FSTL5: variants seen among roughly 807,000 people sequenced by gnomAD.
FSTL5 encodes the protein follistatin like 5, also known as follistatin-related protein 5.
FSTL5 carries 62 observed loss-of-function variants against 89.1 expected under a neutral mutation model. The observed-to-expected ratio is 0.70, with a 90% CI of 0.57 to 0.86. The LOEUF (loss-of-function observed/expected upper bound fraction) is 0.86, where lower values mean the gene tolerates loss of function less well. FSTL5 is among the 40% of genes least tolerant of loss of function. FSTL5 has a pLI of 0.00. For missense variants in FSTL5, 1,057 were observed against 1,001.6 expected (o/e 1.06, Z -0.75); for synonymous variants, 383 against 346.2 (o/e 1.11, Z -1.18).
chr4:161,532,775 C>T (rs1486303420), intron 10 of FSTL5, among the ~76,000 whole-genome samples: 1 of 152,084 alleles, frequency 6.6e-6, no homozygotes, highest in African/African-American at 2.4e-5. Context: ...CACCGAATCA[C>T]CACAGAATAT....
intron 13 of FSTL5, among the ~76,000 whole-genome samples, chr4:161,461,288 C>CAAAAAAAAAAAAA (rs781313697): frequency 2.8e-5 from 2 of 72,646 alleles, no homozygotes; most frequent in Non-Finnish European, 2.4e-5. Context: ...ACTAAAAATA[C>CAAAAAAAAAAAAA]AAAAAAAACA....
At chr4:162,155,683 T>C (rs185463918) in intron 1 of FSTL5, among the ~76,000 whole-genome samples, 1 of 152,294 alleles carries the variant, frequency 6.6e-6, no homozygotes. Flanking sequence ...CTATAAGAAC[T>C]TTTGACTGAA....
chr4:161,389,784 C>T (rs993937483), intron 15 of FSTL5, among the ~76,000 whole-genome samples: 5 of 152,060 alleles, frequency 3.3e-5, no homozygotes, highest in Non-Finnish European at 7.4e-5. Flanking sequence ...ATAGAAACTG[C>T]CAGTCCTTTA....
Position 161,916,316 on chromosome 4 carries a change from A to G in FSTL5, c.409+4088T>C, listed in dbSNP as rs1373720253. 3.3e-5 allele frequency among the ~76,000 whole-genome samples: 5 copies of G among 152,140 alleles called. No individual in the cohort carries two copies. The East Asian group carries it at 9.6e-4, about 29-fold the overall frequency. The stretch of plus-strand genomic sequence containing the variant: ...TTCATTTTGGCATAGGTTATATCTT[A>G]AGTTTCTTACTCCAGTTTACATCTA... On this transcript the variant is annotated intron_variant, in intron 4 of 15. Coordinates refer to ENST00000306100, the MANE Select transcript of FSTL5 (RefSeq NM_020116.5).
chr4:161,949,675 T>A (rs1281577873), intron 3 of FSTL5, among the ~76,000 whole-genome samples: 2 of 151,816 alleles, frequency 1.3e-5, no homozygotes, highest in African/African-American at 4.8e-5. Context: ...ATTTTTTCTA[T>A]ATGTTTGTTT....
At chr4:161,971,290 T>G (rs1735475264) in intron 3 of FSTL5, among the ~76,000 whole-genome samples, 1 of 152,150 alleles carries the variant, frequency 6.6e-6, no homozygotes, top group Admixed American at 6.5e-5. Context: ...GTCACAAACA[T>G]TGATATATTA....
chr4:161,562,801 C>T (rs1055934104), intron 8 of FSTL5, among the ~76,000 whole-genome samples: 2 of 151,954 alleles, frequency 1.3e-5, no homozygotes, highest in African/African-American at 4.8e-5. Context: ...CTCCATAACT[C>T]TTGCTGTTGA....
At chr4:161,969,128 T>C (rs546519869) in intron 3 of FSTL5, among the ~76,000 whole-genome samples, 1 of 152,204 alleles carries the variant, frequency 6.6e-6, no homozygotes, top group Non-Finnish European at 1.5e-5. Context: ...TTATATACCC[T>C]ACCTAGATGT....
intron 4 of FSTL5, among the ~76,000 whole-genome samples, chr4:161,842,745 G>A (rs1363390318): frequency 6.6e-6 from 1 of 152,036 alleles, no homozygotes; most frequent in East Asian, 1.9e-4. Context: ...TAAGCAATAA[G>A]TAGTCATTTT....
intron 6 of FSTL5, among the ~76,000 whole-genome samples, chr4:161,726,685 A>C (rs926441719): frequency 6.6e-6 from 1 of 152,136 alleles, no homozygotes; most frequent in African/African-American, 2.4e-5. Context: ...ACAAAGACTA[A>C]AACGTATAGT....
intron 6 of FSTL5, among the ~76,000 whole-genome samples, chr4:161,727,951 C>A (rs1739476061): frequency 1.3e-5 from 2 of 152,084 alleles, no homozygotes. Flanking sequence ...CCATTGCACT[C>A]CAGCCCTGGC....
intron 1 of FSTL5, among the ~76,000 whole-genome samples, chr4:162,140,287 C>A (rs943604442): frequency 6.6e-6 from 1 of 152,100 alleles, no homozygotes; most frequent in Admixed American, 6.5e-5. Context: ...CTAGAAAATT[C>A]TCACATGTGT....
At chr4:162,067,821 CAT>C (rs1373674391) in intron 2 of FSTL5, among the ~76,000 whole-genome samples, 2 of 152,000 alleles carry the variant, frequency 1.3e-5, no homozygotes, top group Non-Finnish European at 2.9e-5. Context: ...AGCCCAAAAG[CAT>C]TTAAGCTGAT....
chr4:161,861,284 A>C (rs931629717), intron 4 of FSTL5, among the ~76,000 whole-genome samples: 1 of 152,026 alleles, frequency 6.6e-6, no homozygotes, highest in African/African-American at 2.4e-5. Flanking sequence ...ATAGCAGGCC[A>C]TGGTGGTGCG....
chr4:161,449,640 G>A (rs1733084824), intron 15 of FSTL5, among the ~76,000 whole-genome samples: 1 of 152,122 alleles, frequency 6.6e-6, no homozygotes, highest in Non-Finnish European at 1.5e-5. Flanking sequence ...GATTAAATCT[G>A]TTTGTAGTTG....
At chr4:162,055,693 T>C (rs1738519965) in intron 2 of FSTL5, among the ~76,000 whole-genome samples, 1 of 151,838 alleles carries the variant, frequency 6.6e-6, no homozygotes, top group Non-Finnish European at 1.5e-5. Context: ...AAAACAATTT[T>C]GGAGAAAAAA....
At position 162,095,227 on chromosome 4, in the gene FSTL5, C is replaced by T. The variant is rs181790140; in HGVS notation, c.126+16044G>A. 2.6e-4 allele frequency among the ~76,000 whole-genome samples: 40 copies of T among 152,152 alleles called. 1 individual carries two copies. Among genetic ancestry groups the T allele is most frequent in the Admixed American group, 2.2e-3 (34 of 15,280 alleles). ...AAGAGAGGCCAAGTCTGCTGATATG[C>T]ATAGCAACAGTTAATTCTAAAGCCT... On this transcript the variant is annotated intron_variant, in intron 2 of 15. Transcript: ENST00000306100.
chr4:162,082,381 A>C (rs1251985522), intron 2 of FSTL5, among the ~76,000 whole-genome samples: 1 of 151,718 alleles, frequency 6.6e-6, no homozygotes, highest in African/African-American at 2.4e-5. Context: ...TTAGGCTTAA[A>C]AGAAGATTAT....
At chr4:162,066,241 T>A (rs1199135347) in intron 2 of FSTL5, among the ~76,000 whole-genome samples, 1 of 151,958 alleles carries the variant, frequency 6.6e-6, no homozygotes, top group African/African-American at 2.4e-5. Flanking sequence ...CTGGTTAGTA[T>A]CTATTAAGAA....
Sources: gnomAD v4.1 joint callset for allele counts (sites outside exome capture counted in the v4.1 genomes callset) on GRCh38, gnomAD v4.1.1 for gene constraint, MANE v1.5 for transcripts, NCBI Gene and HGNC (gene_info 2026-07-23, HGNC 2026-07-21) for gene names.